Variants in EBF1 observed in about 807,000 individuals in gnomAD.
EBF1 encodes the protein EBF transcription factor 1.
Under a neutral mutation model 68.4 loss-of-function variants are expected in EBF1, and 10 were observed. The ratio of observed to expected loss-of-function variants is 0.15; its 90% CI spans 0.09 to 0.25. EBF1 has a LOEUF of 0.25. Among genes scored for constraint, EBF1 ranks in the 10% least tolerant of loss-of-function variants. The pLI is 1.00. For missense variants in EBF1, 509 were observed against 794.4 expected (o/e 0.64, Z 4.32); for synonymous variants, 298 against 299.8 (o/e 0.99, Z 0.06).
chr5:159,073,725 G>A (rs1778245474), intron 5 of EBF1: 2 of 494,918 alleles, frequency 4.0e-6, no homozygotes, highest in Non-Finnish European at 7.3e-6. Context: ...CCAAGATGGG[G>A]TCTCCCCATG....
In EBF1 at chr5:158,807,182, G is replaced by A. The variant is rs143327208; in HGVS notation, c.779-10707C>T. ...ACTAATCAGAGCTACAATATAGGGG[G>A]TGCCCTCCATAGACTAGGAACTGTG... On this transcript the variant is annotated intron_variant, in intron 8 of 15. Coordinates refer to ENST00000313708, the MANE Select transcript of EBF1 (RefSeq NM_024007.5). 2.0e-5 allele frequency among the ~76,000 whole-genome samples: 3 copies of A among 152,180 alleles called. No homozygotes were observed. The East Asian group carries it at 5.8e-4, about 29-fold the overall frequency.
At chr5:158,936,193 T>C (rs1811984213) in intron 6 of EBF1, among the ~76,000 whole-genome samples, 1 of 152,182 alleles carries the variant, frequency 6.6e-6, no homozygotes, top group Middle Eastern at 3.2e-3. Flanking sequence ...GGATAACACA[T>C]GAAAATGGTC....
In EBF1 at chr5:158,705,517, C is replaced by G. The variant is rs112826661; in HGVS notation, c.1744+2462G>C. ...CAGCAGTTATTCAGAGAAATGGGGA[C>G]AGTCTCTGTACTTTTGGGATCTGTA... On this transcript the variant is annotated intron_variant, in intron 15 of 15. Transcript: ENST00000313708. 8.9e-3 allele frequency among the ~76,000 whole-genome samples: 1,350 copies of G among 152,304 alleles called. 28 individuals carry two copies. Among genetic ancestry groups the G allele is most frequent in the African/African-American group, 0.031 (1,278 of 41,572 alleles).
At chr5:159,097,388 GT>G in intron 1 of EBF1, 1 of 516,032 alleles carries the variant, frequency 1.9e-6, no homozygotes, top group Non-Finnish European at 3.4e-6. Context: ...TTTTGTTTGG[GT>G]TTTGCGCGCG....
At chr5:158,722,073 C>T (rs930640895) in intron 11 of EBF1, among the ~76,000 whole-genome samples, 9 of 152,006 alleles carry the variant, frequency 5.9e-5, no homozygotes, top group Non-Finnish European at 8.8e-5. Flanking sequence ...TAACCTCTGG[C>T]GGGATCTTCT....
At chr5:158,774,228 C>T (rs1417913181) in intron 10 of EBF1, among the ~76,000 whole-genome samples, 4 of 152,190 alleles carry the variant, frequency 2.6e-5, no homozygotes, top group South Asian at 2.1e-4. Context: ...GAGAGATGTA[C>T]GCTTGCTTAC....
In EBF1 at chr5:158,699,021, G is replaced by C. The variant is rs1038377496; in HGVS notation, c.*90C>G. ...TGTGATTCCTCTTAAAAAGGCCTGA[G>C]TTAAAAGTTCCACTCTGGGACTTGT... On this transcript the variant is annotated 3_prime_UTR_variant, in exon 16 of 16. Transcript: ENST00000313708. 3.1e-6 allele frequency: 4 copies of C among 1,275,904 alleles called. No homozygotes were observed. The highest frequency in any genetic ancestry group is 5.0e-5 in the Admixed American group (2 of 40,172). 79.0% of individuals were successfully genotyped at this position (1,275,904 alleles called of 1,614,324 possible).
intron 6 of EBF1, among the ~76,000 whole-genome samples, chr5:158,929,987 G>A (rs1485575440): frequency 6.6e-6 from 1 of 152,180 alleles, no homozygotes; most frequent in Non-Finnish European, 1.5e-5. Context: ...TTTTAATTAA[G>A]TGACACTAAT....
At chr5:158,891,691 CGTAT>C (rs1479962258) in intron 6 of EBF1, among the ~76,000 whole-genome samples, 1 of 152,024 alleles carries the variant, frequency 6.6e-6, no homozygotes, top group East Asian at 1.9e-4. Flanking sequence ...TTTACGCATA[CGTAT>C]GTGTGTGCTG....
intron 6 of EBF1, among the ~76,000 whole-genome samples, chr5:158,931,396 C>T (rs1322243486): frequency 6.6e-6 from 1 of 152,272 alleles, no homozygotes; most frequent in Admixed American, 6.5e-5. Flanking sequence ...TTTCCTTCCT[C>T]ATGGTATTCA....
intron 6 of EBF1, among the ~76,000 whole-genome samples, chr5:159,052,967 C>T (rs1418686528): frequency 2.0e-5 from 3 of 152,230 alleles, no homozygotes; most frequent in Non-Finnish European, 2.9e-5. Flanking sequence ...TCTGGGGCAC[C>T]TCTGACCATG....
At chr5:158,791,318 C>CAAA (rs70987931) in intron 9 of EBF1, among the ~76,000 whole-genome samples, 4 of 69,070 alleles carry the variant, frequency 5.8e-5, no homozygotes, top group African/African-American at 1.5e-4. Context: ...GATTCCATCT[C>CAAA]AAAAAAAAAA....
chr5:159,071,752 G>T, intron 6 of EBF1, among the ~76,000 whole-genome samples: 1 of 148,326 alleles, frequency 6.7e-6, no homozygotes, highest in South Asian at 2.1e-4. Context: ...AAAAAAAAAA[G>T]TCTTTTCATT....
chr5:159,080,140 A>T (rs906146852), intron 5 of EBF1, among the ~76,000 whole-genome samples: 1 of 152,124 alleles, frequency 6.6e-6, no homozygotes, highest in African/African-American at 2.4e-5. Flanking sequence ...TTATTTCCAG[A>T]TCCAGAACTC....
intron 6 of EBF1, among the ~76,000 whole-genome samples, chr5:159,066,239 T>TA (rs1489534701): frequency 6.6e-6 from 1 of 152,196 alleles, no homozygotes; most frequent in Admixed American, 6.5e-5. Context: ...TATATTATAT[T>TA]ACAAAACTAT....
intron 7 of EBF1, among the ~76,000 whole-genome samples, chr5:158,826,610 A>G (rs1238578261): frequency 2.0e-5 from 3 of 152,168 alleles, no homozygotes; most frequent in Admixed American, 6.5e-5. Context: ...TTTAATCACT[A>G]TATTTTTGGA....
intron 6 of EBF1, among the ~76,000 whole-genome samples, chr5:158,952,529 AG>A (rs1816233059): frequency 1.3e-5 from 2 of 152,216 alleles, no homozygotes; most frequent in South Asian, 2.1e-4. Flanking sequence ...AAATATTCAA[AG>A]GTATTGTGCA....
At chr5:158,902,156 A>G (rs1803527428) in intron 6 of EBF1, among the ~76,000 whole-genome samples, 1 of 152,196 alleles carries the variant, frequency 6.6e-6, no homozygotes, top group Non-Finnish European at 1.5e-5. Flanking sequence ...ACTGCTTCCC[A>G]TCTACTGAGA....
At chr5:159,021,867 C>A (rs530265021) in intron 6 of EBF1, among the ~76,000 whole-genome samples, 1 of 152,230 alleles carries the variant, frequency 6.6e-6, no homozygotes, top group South Asian at 2.1e-4. Flanking sequence ...TCAGTCTCAA[C>A]TGTAAATGGC....
Sources: gnomAD v4.1 joint callset for allele counts (sites outside exome capture counted in the v4.1 genomes callset) on GRCh38, gnomAD v4.1.1 for gene constraint, MANE v1.5 for transcripts, NCBI Gene and HGNC (gene_info 2026-07-23, HGNC 2026-07-21) for gene names.